The following PALB2 variants were observed in gnomAD, a reference collection of about 807,000 sequenced individuals.
PALB2 encodes the protein partner and localizer of BRCA2, also known as mutant partner and localizer of BRCA2.
PALB2 carries 82 observed loss-of-function variants against 107.4 expected under a neutral mutation model. That is an observed-to-expected ratio of 0.76 (90% CI 0.64 to 0.92). The LOEUF is 0.92. PALB2 is among the 40% of genes least tolerant of loss of function. The probability of loss-of-function intolerance (pLI) is 0.00; values close to 1 mark genes in which losing one functional copy is unlikely to be tolerated. For synonymous variants in PALB2, 489 were observed against 496.8 expected (o/e 0.98, Z 0.21); for missense variants, 1,374 against 1,379.9 (o/e 1.00, Z 0.07).
At chr16:23,623,182 A>G in intron 8 of PALB2, 52 bp from the exon 9 acceptor site, 1 of 1,389,392 alleles carries the variant, frequency 7.2e-7, no homozygotes, top group Admixed American at 1.8e-5. Flanking sequence ...ACCTTTTAAT[A>G]TTAAAGGACT....
intron 2 of PALB2, 59 bp from the exon 3 acceptor site, chr16:23,638,011 G>A (rs515726061): frequency 6.2e-7 from 1 of 1,603,882 alleles, no homozygotes; most frequent in Non-Finnish European, 8.5e-7. Context: ...ATAGAGTCAA[G>A]AACTGTTTTT....
chr16:23,629,274 G>T lies in PALB2; in HGVS notation c.2516C>A (p.Thr839Asn), dbSNP rs1465840457. The T allele has an allele frequency of 1.2e-6, 2 of 1,613,142 alleles. No homozygotes were observed. Among genetic ancestry groups the T allele is most frequent in the East Asian group, 2.2e-5 (1 of 44,864 alleles). Residue 839 changes from threonine to asparagine, a missense_variant and splice_region_variant, in exon 6 of 13, where the codon ACT (threonine) becomes AAT (asparagine). Coordinates refer to ENST00000261584, the MANE Select transcript of PALB2 (RefSeq NM_024675.4). ...AGAAGCAGGAAGCTCTGCTGTTTCA[G>T]TCTGTGAAAACAAAAGTCACATCAT... Reference protein sequence around the residue: ...QELHKHSVEQTETAELPASDS... With the variant: ...QELHKHSVEQNETAELPASDS...
At chr16:23,624,864 C>T (rs998184608) in intron 7 of PALB2, among the ~76,000 whole-genome samples, 1 of 152,066 alleles carries the variant, frequency 6.6e-6, no homozygotes, top group African/African-American at 2.4e-5. Context: ...ATTTTAAGCA[C>T]ACTAAGATTG....
chr16:23,636,608 T>C (rs1327730734), intron 3 of PALB2, among the ~76,000 whole-genome samples: 4 of 152,194 alleles, frequency 2.6e-5, no homozygotes, highest in African/African-American at 7.2e-5. Flanking sequence ...ACATACTCCA[T>C]ACTGTACATA....
At chr16:23,620,293 T>C (rs987772934) in intron 10 of PALB2, among the ~76,000 whole-genome samples, 4 of 152,232 alleles carry the variant, frequency 2.6e-5, no homozygotes, top group African/African-American at 9.6e-5. Context: ...TAGGGTTCTT[T>C]TTTTTATTTT....
At chr16:23,634,638 T>C (rs1242036215) in intron 4 of PALB2, among the ~76,000 whole-genome samples, 1 of 147,554 alleles carries the variant, frequency 6.8e-6, no homozygotes, top group Non-Finnish European at 1.5e-5. Context: ...TGTCTCTTTA[T>C]TTTTATTTAT....
chr16:23,621,416 T>C lies in PALB2; in HGVS notation c.3059A>G (p.Gln1020Arg), dbSNP rs776221283. Reference protein sequence around the residue: ...EETILTFAEVQGMQEALLGTT... With the variant: ...EETILTFAEVRGMQEALLGTT... The stretch of plus-strand genomic sequence containing the variant: ...ACCAAGCAGAGCTTCTTGCATCCCT[T>C]GGACCTCAGCAAAAGTTAGTATAGT... The change falls in exon 10 of 13, where the codon CAA (glutamine) becomes CGA (arginine). Residue 1020 changes from glutamine to arginine, a missense_variant. Physicochemically the swap from Gln to Arg is conservative, Grantham distance 43 (BLOSUM62 1). Coordinates refer to ENST00000261584, the MANE Select transcript of PALB2 (RefSeq NM_024675.4). 7 of 1,614,030 alleles carry C rather than the reference T, an allele frequency of 4.3e-6. No homozygotes were observed. The East Asian group carries it at 8.9e-5, about 21-fold the overall frequency.
At chr16:23,608,691 A>T (rs750545857) in intron 11 of PALB2, among the ~76,000 whole-genome samples, 2 of 151,976 alleles carry the variant, frequency 1.3e-5, no homozygotes, top group Non-Finnish European at 2.9e-5. Flanking sequence ...GGTGACCAAA[A>T]AAAGATACCA....
Position 23,637,889 on chromosome 16 carries a change from A to G in PALB2, c.172T>C (p.Leu58=), listed in dbSNP as rs1597101395. Residue 58 remains leucine (L), a synonymous_variant, in exon 3 of 13, where the codon TTG becomes CTG. Coordinates refer to ENST00000261584, the MANE Select transcript of PALB2 (RefSeq NM_024675.4). ...TGCGGTGAGAGATCCTGCTGAGACA[A>G]ACAATCTTGTTCTTCTACTGTTTTC... ...IKKTVEEQDC[L]SQQDLSPQLK... 2 of 1,614,050 alleles carry G rather than the reference A, an allele frequency of 1.2e-6. No individual in the cohort carries two copies. Among genetic ancestry groups the G allele is most frequent in the Middle Eastern group, 1.7e-4 (1 of 6,060 alleles).
Position 23,626,307 on chromosome 16 carries a change from C to T in PALB2, c.2677G>A (p.Asp893Asn). The change falls in exon 7 of 13, where the codon GAT becomes AAT. Residue 893 changes from aspartate to asparagine, a missense_variant. Physicochemically the swap from Asp to Asn is conservative, Grantham distance 23 (BLOSUM62 1). Transcript: ENST00000261584. ...KEPCIITACEDVVSLWKALDA... is the reference protein window; with the variant it reads ...KEPCIITACENVVSLWKALDA... ...AGAGCTTTCCAAAGAGAAACTACAT[C>T]TTCGCAAGCAGTTATGATACATGGC... is the stretch of plus-strand genomic sequence containing the variant. The T allele has an allele frequency of 2.5e-6, 4 of 1,614,188 alleles. No individual in the cohort carries two copies. Among genetic ancestry groups the T allele is most frequent in the Non-Finnish European group, 3.4e-6 (4 of 1,180,028 alleles).
At position 23,635,429 on chromosome 16, in the gene PALB2, C is replaced by T. The variant is rs1597097072; in HGVS notation, c.1117G>A (p.Glu373Lys). ...DGRNENLQES[E>K]ILSQPKSLSL... ...AGACTCTTAGGTTGACTTAGAATCT[C>T]ACTTTCCTGAAGATTTTCATTCCTG... The change falls in exon 4 of 13, where the codon GAG (glutamate) becomes AAG (lysine). Residue 373 changes from glutamate (E) to lysine (K), a missense_variant. Transcript: ENST00000261584. The T allele has an allele frequency of 6.2e-7, 1 of 1,614,036 alleles. No homozygotes were observed.
chr16:23,608,797 T>TACACACACACACACAC (rs1310999089), intron 11 of PALB2, among the ~76,000 whole-genome samples: 1,797 of 111,296 alleles, frequency 0.016, 17 homozygotes, highest in Middle Eastern at 0.033. Flanking sequence ...TGTGTGTATA[T>TACACACACACACACAC]ATATACACAC....
chr16:23,624,123 T>G, intron 7 of PALB2, 29 bp from the exon 8 acceptor site: 3 of 1,488,296 alleles, frequency 2.0e-6, no homozygotes, highest in Non-Finnish European at 2.8e-6. Context: ...CCAAAAATTA[T>G]GCTTGGTTGT....
intron 9 of PALB2, 118 bp downstream of exon 9, chr16:23,622,851 T>C (rs1384986284): frequency 1.1e-5 from 12 of 1,139,998 alleles, no homozygotes; most frequent in Non-Finnish European, 1.4e-5. Flanking sequence ...ATGCGGTACA[T>C]GCTTATATTA....
chr16:23,623,198 C>CA, intron 8 of PALB2, 68 bp from the exon 9 acceptor site: 145 of 885,644 alleles, frequency 1.6e-4, no homozygotes, highest in Middle Eastern at 3.4e-4. Flanking sequence ...GGACTAGGTT[C>CA]ACTTTTTTTT....
At chr16:23,617,105 G>A (rs1037446252) in intron 10 of PALB2, among the ~76,000 whole-genome samples, 3 of 152,058 alleles carry the variant, frequency 2.0e-5, no homozygotes, top group Non-Finnish European at 4.4e-5. Flanking sequence ...GTGAGCCACC[G>A]TGCCCGGCCA....
intron 4 of PALB2, among the ~76,000 whole-genome samples, chr16:23,632,540 T>C (rs902847718): frequency 2.0e-5 from 3 of 151,898 alleles, no homozygotes; most frequent in African/African-American, 4.8e-5. Context: ...GGTAAATCCA[T>C]AGAGATAGAA....
rs1555459356 is a variant in PALB2, at chr16:23,621,365, A to G, written c.3110T>C (p.Ile1037Thr). 1.2e-6 allele frequency: 2 copies of G among 1,605,900 alleles called. No individual in the cohort carries two copies. Among genetic ancestry groups the G allele is most frequent in the South Asian group, 1.1e-5 (1 of 90,916 alleles). Residue 1037 changes from isoleucine (I) to threonine (T), a missense_variant, in exon 10 of 13, where the codon ATT (isoleucine) becomes ACT (threonine). Coordinates refer to ENST00000261584, the MANE Select transcript of PALB2 (RefSeq NM_024675.4). ...AGGACCTAGAGGGAAAGCTTACCAA[A>G]TAACAATGTTGTTCATAATAGTAGT... ...LGTTIMNNIV[I>T]WNLKTGQLLK...
intron 12 of PALB2, among the ~76,000 whole-genome samples, chr16:23,604,309 C>T (rs2051543502): frequency 6.6e-6 from 1 of 152,148 alleles, no homozygotes; most frequent in South Asian, 2.1e-4. Flanking sequence ...TCTAACTCTA[C>T]AAAGTAAGAG....
Sources: allele counts gnomAD v4.1 joint callset (sites outside exome capture counted in the v4.1 genomes callset), GRCh38; gene constraint gnomAD v4.1.1; transcripts MANE v1.5; gene names NCBI Gene and HGNC (gene_info 2026-07-23, HGNC 2026-07-21).